Variants in ALOX15B observed in about 807,000 individuals in gnomAD.
ALOX15B encodes polyunsaturated fatty acid lipoxygenase ALOX15B.
Under a neutral mutation model 73.8 loss-of-function variants are expected in ALOX15B, and 74 were observed. The ratio of observed to expected loss-of-function variants is 1.00; its 90% CI spans 0.83 to 1.22. The LOEUF is 1.22. Ranked by LOEUF, ALOX15B falls within the 50% of genes most tolerant of loss-of-function variation. The pLI is 0.00. For synonymous variants in ALOX15B, 353 were observed against 357.2 expected, an observed-to-expected ratio of 0.99 and a Z score of 0.13; for missense variants, 896 against 859.9, an observed-to-expected ratio of 1.04 and a Z score of -0.52.
At position 8,040,550 on chromosome 17, in the gene ALOX15B, G is replaced by GAA. The variant is rs57248868; in HGVS notation, c.449+577_449+578dup. On this transcript the variant is annotated intron_variant, in intron 3 of 13. Coordinates refer to ENST00000380183, the MANE Select transcript of ALOX15B (RefSeq NM_001141.3). ...AGAGCAAAACTCCATCTCAAAAAAA[G>GAA]AAAAAAAAAAAGGAAGGAAGGAAAA... Among the ~76,000 whole-genome samples, 54 of 81,838 alleles carry GAA rather than the reference G, an allele frequency of 6.6e-4. 2 individuals are homozygous for GAA. Among genetic ancestry groups the GAA allele is most frequent in the Non-Finnish European group, 1.1e-3 (49 of 43,300 alleles). 53.7% of individuals were successfully genotyped at this position (81,838 alleles called of 152,430 possible).
In ALOX15B at chr17:8,047,771, C is replaced by A. The variant is rs751483176; in HGVS notation, c.1707C>A (p.Asn569Lys). 1 of 1,614,082 alleles carries A rather than the reference C, an allele frequency of 6.2e-7. No homozygotes were observed. Among genetic ancestry groups the A allele is most frequent in the African/African-American group, 1.3e-5 (1 of 74,928 alleles). Residue 569 changes from asparagine to lysine, a missense_variant, in exon 13 of 14, where the codon AAC becomes AAA. Coordinates refer to ENST00000380183, the MANE Select transcript of ALOX15B (RefSeq NM_001141.3). ...TTGACTCCTGTGCTTGGATGCCCAA[C>A]CTGCCACCCAGCATGCAGCTGCCAC... is the stretch of plus-strand genomic sequence containing the variant. ...GQFDSCAWMP[N>K]LPPSMQLPPP...
chr17:8,040,647 G>GAAAGAAAGAAAGAAAGAAAGAAAGAAAGA, intron 3 of ALOX15B, among the ~76,000 whole-genome samples: 2 of 122,384 alleles, frequency 1.6e-5, no homozygotes, highest in African/African-American at 5.4e-5. Flanking sequence ...AAGAAAGAAA[G>GAAAGAAAGAAAGAAAGAAAGAAAGAAAGA]AAAGAAAAGA....
rs1976635251 is a variant in ALOX15B at position 8,047,248 on chromosome 17, T to G, written c.1458-10T>G. The stretch of plus-strand genomic sequence containing the variant: ...GTTGGAGGCTGGACCTGAACCTGGA[T>G]GCATTGCAGCTTTGTCTCTGAAATC... On this transcript the variant is annotated splice_polypyrimidine_tract_variant and intron_variant, in intron 10 of 13. Transcript: ENST00000380183. 1 of 1,613,904 alleles carries G rather than the reference T, an allele frequency of 6.2e-7. No individual in the cohort carries two copies.
At position 8,046,761 on chromosome 17, in the gene ALOX15B, G is replaced by C. The variant is rs1348852759; in HGVS notation, c.1287+7G>C. On this transcript the variant is annotated splice_region_variant and intron_variant, in intron 9 of 13. Transcript: ENST00000380183. ...AGGGCAGGTGGTGGACAGGGTGAGAGCTGTGTTGGGGAGGGAGTAGGCAGG... is the reference window on the plus strand; with the variant it reads ...AGGGCAGGTGGTGGACAGGGTGAGACCTGTGTTGGGGAGGGAGTAGGCAGG... 1 of 1,613,398 alleles carries C rather than the reference G, an allele frequency of 6.2e-7. No individual in the cohort carries two copies. Among genetic ancestry groups the C allele is most frequent in the Non-Finnish European group, 8.5e-7 (1 of 1,179,790 alleles).
intron 13 of ALOX15B, 24 bp downstream of exon 13, chr17:8,047,939 G>C: frequency 6.2e-7 from 1 of 1,611,792 alleles, no homozygotes; most frequent in Non-Finnish European, 8.5e-7. Flanking sequence ...TGGGGGCCAG[G>C]CTGGGCCAAA....
In ALOX15B at chr17:8,039,186, G is replaced by C. The variant is rs1462646166; in HGVS notation, c.31G>C (p.Gly11Arg). The change falls in exon 1 of 14, where the codon GGA becomes CGA. Residue 11 changes from glycine (G) to arginine (R), a missense_variant. Physicochemically the swap from Gly to Arg is moderately radical, Grantham distance 125. Coordinates refer to ENST00000380183, the MANE Select transcript of ALOX15B (RefSeq NM_001141.3). MAEFRVRVST[G>R]EAFGAGTWDK... The stretch of plus-strand genomic sequence containing the variant: ...CGAGTTCAGGGTCAGGGTGTCCACC[G>C]GAGAAGCCTTCGGGGCTGGCACATG... 3 of 1,613,182 alleles carry C rather than the reference G, an allele frequency of 1.9e-6. No individual in the cohort carries two copies. Among genetic ancestry groups the C allele is most frequent in the Non-Finnish European group, 2.5e-6 (3 of 1,179,692 alleles).
chr17:8,040,601 G>GAGAGAGAAAGAGAAAGAAAGAAAGAA (rs1555638441), intron 3 of ALOX15B, among the ~76,000 whole-genome samples: 1 of 109,462 alleles, frequency 9.1e-6, no homozygotes, highest in African/African-American at 3.7e-5. Context: ...AAGAAAGAGA[G>GAGAGAGAAAGAGAAAGAAAGAAAGAA]AGAAAGAAAG....
chr17:8,047,999 C>T (rs1315891527), intron 13 of ALOX15B, 84 bp downstream of exon 13: 5 of 1,476,226 alleles, frequency 3.4e-6, no homozygotes, highest in African/African-American at 2.8e-5. Context: ...AGACCCAACC[C>T]TGCCATCAGG....
At chr17:8,043,599 C>T (rs1755352909) in intron 5 of ALOX15B, among the ~76,000 whole-genome samples, 1 of 152,188 alleles carries the variant, frequency 6.6e-6, no homozygotes, top group South Asian at 2.1e-4. Context: ...GGTCACTGTG[C>T]ACTGCTGGGG....
At chr17:8,047,452 C>T in intron 11 of ALOX15B, 73 bp downstream of exon 11, 2 of 1,600,838 alleles carry the variant, frequency 1.2e-6, no homozygotes, top group Non-Finnish European at 8.5e-7. Context: ...GCAGAGCACG[C>T]ATTTGAGTGG....
rs1976486259 is a variant in ALOX15B at position 8,042,403 on chromosome 17, C to A, written c.484C>A (p.Leu162Met). 6.2e-7 allele frequency: 1 copy of A among 1,614,020 alleles called. No homozygotes were observed. The highest frequency in any genetic ancestry group is 1.7e-5 in the Admixed American group (1 of 60,006). The change falls in exon 4 of 14, where the codon CTG becomes ATG. Residue 162 changes from leucine to methionine, a missense_variant. Physicochemically the swap from Leu to Met is conservative, Grantham distance 15 (BLOSUM62 2). Transcript: ENST00000380183. ...TTACAACCCAGGTTGGCCTCACTGC[C>A]TGGATGAAAAGACAGTGGAAGACTT... ...KAYNPGWPHC[L>M]DEKTVEDLEL...
At chr17:8,042,996 C>A in intron 5 of ALOX15B, 112 bp downstream of exon 5, 1 of 781,570 alleles carries the variant, frequency 1.3e-6, no homozygotes, top group South Asian at 1.8e-5. Flanking sequence ...CTGATCAGGT[C>A]CTTGCTAGAC....
At chr17:8,048,335 G>A (rs534803315) in intron 13 of ALOX15B, 51 bp from the exon 14 acceptor site, 3 of 1,567,038 alleles carry the variant, frequency 1.9e-6, no homozygotes, top group South Asian at 2.3e-5. Context: ...CAGGAGTCTG[G>A]GATGCAGGAC....
Position 8,044,866 on chromosome 17 carries a change from C to T in ALOX15B, c.714C>T (p.Phe238=), listed in dbSNP as rs757201622. 17 of 1,602,152 alleles carry T rather than the reference C, an allele frequency of 1.1e-5. No homozygotes were observed. Among genetic ancestry groups the T allele is most frequent in the South Asian group, 2.2e-5 (2 of 90,872 alleles). Residue 238 remains phenylalanine (F), a synonymous_variant, in exon 6 of 14, where the codon TTC becomes TTT. Transcript: ENST00000380183. ...AFEHWQEDAF[F]ASQFLNGLNP... ...AGCACTGGCAGGAGGACGCCTTCTTCGCCTCCCAGTTCCTGAATGGTCTCA... is the reference window on the plus strand; with the variant it reads ...AGCACTGGCAGGAGGACGCCTTCTTTGCCTCCCAGTTCCTGAATGGTCTCA...
At position 8,048,553 on chromosome 17, in the gene ALOX15B, C is replaced by G. The variant is rs1295439223; in HGVS notation, c.2019C>G (p.Ser673Arg). Reference sequence around the variant, plus strand: ...TAGACCCTCCCCTCATCGAGAACAGCGTCTCCATCTAAATCCCAGGGGAAC... The same window carrying G: ...TAGACCCTCCCCTCATCGAGAACAGGGTCTCCATCTAAATCCCAGGGGAAC... ...TYLDPPLIEN[S>R]VSI The change falls in exon 14 of 14, where the codon AGC becomes AGG. Residue 673 changes from serine (S) to arginine (R), a missense_variant. By Grantham distance (110) the Ser-to-Arg change is moderately radical. Transcript: ENST00000380183. 6.2e-7 allele frequency: 1 copy of G among 1,613,344 alleles called. No individual in the cohort carries two copies. The highest frequency in any genetic ancestry group is 8.5e-7 in the Non-Finnish European group (1 of 1,179,596).
Position 8,048,464 on chromosome 17 carries a change from C to G in ALOX15B, c.1930C>G (p.Leu644Val). ...GAGCATCGCCACCTTCCAGAGCCGC[C>G]TGGCCCAGATCTCGAGGGGCATCCA... ...RRSIATFQSR[L>V]AQISRGIQER... Residue 644 changes from leucine (L) to valine (V), a missense_variant, in exon 14 of 14, where the codon CTG (leucine) becomes GTG (valine). Physicochemically the swap from Leu to Val is conservative, Grantham distance 32. Coordinates refer to ENST00000380183, the MANE Select transcript of ALOX15B (RefSeq NM_001141.3). 6.2e-7 allele frequency: 1 copy of G among 1,614,142 alleles called. No individual in the cohort carries two copies. Among genetic ancestry groups the G allele is most frequent in the African/African-American group, 1.3e-5 (1 of 75,062 alleles).
intron 4 of ALOX15B, 143 bp from the exon 5 acceptor site, chr17:8,042,638 C>A: frequency 7.4e-7 from 1 of 1,351,442 alleles, no homozygotes; most frequent in South Asian, 1.3e-5. Flanking sequence ...CTACCAATCC[C>A]ACAGAGCAAC....
intron 3 of ALOX15B, among the ~76,000 whole-genome samples, chr17:8,040,648 A>T: frequency 9.2e-6 from 1 of 108,886 alleles, no homozygotes; most frequent in African/African-American, 3.1e-5. Flanking sequence ...AGAAAGAAAG[A>T]AAGAAAAGAA....
rs1976680081 is a variant in ALOX15B at position 8,048,596 on chromosome 17, C to G, written c.*31C>G. ...AGGGGAACACAGGCCCAGATGACATCCCTTTGACCACATCGCTCTAGGATA... is the reference window on the plus strand; with the variant it reads ...AGGGGAACACAGGCCCAGATGACATGCCTTTGACCACATCGCTCTAGGATA... On this transcript the variant is annotated 3_prime_UTR_variant, in exon 14 of 14. Coordinates refer to ENST00000380183, the MANE Select transcript of ALOX15B (RefSeq NM_001141.3). 5 of 1,599,062 alleles carry G rather than the reference C, an allele frequency of 3.1e-6. No individual in the cohort carries two copies. The highest frequency in any genetic ancestry group is 4.3e-6 in the Non-Finnish European group (5 of 1,171,370).
Sources: gnomAD v4.1 joint callset for allele counts (sites outside exome capture counted in the v4.1 genomes callset) on GRCh38, gnomAD v4.1.1 for gene constraint, MANE v1.5 for transcripts, NCBI Gene and HGNC (gene_info 2026-07-23, HGNC 2026-07-21) for gene names.